The following FCSK variants were observed in gnomAD, a reference collection of about 807,000 sequenced individuals.
FCSK encodes the protein L-fucose kinase.
FCSK carries 123 observed loss-of-function variants against 122.5 expected under a neutral mutation model. The observed-to-expected ratio is 1.00, with a 90% confidence interval of 0.87 to 1.17. The LOEUF is 1.17. Ranked by LOEUF, FCSK falls within the 50% of genes most tolerant of loss-of-function variation. The probability of loss-of-function intolerance (pLI) is 0.00; values close to 1 mark genes in which losing one functional copy is unlikely to be tolerated. For missense variants in FCSK, 1,366 were observed against 1,450.4 expected (o/e 0.94, Z 0.95); for synonymous variants, 620 against 625.5 (o/e 0.99, Z 0.13).
intron 2 of FCSK, 95 bp from the exon 3 acceptor site, chr16:70,463,528 G>C: frequency 6.6e-7 from 1 of 1,506,688 alleles, no homozygotes; most frequent in Non-Finnish European, 9.1e-7. Context: ...CTAAGTCAAG[G>C]AAGATCAAAC....
intron 1 of FCSK, among the ~76,000 whole-genome samples, chr16:70,456,072 T>G (rs1487068522): frequency 6.6e-6 from 1 of 152,088 alleles, no homozygotes; most frequent in African/African-American, 2.4e-5. Context: ...CTTGGGAGGC[T>G]GGGATGGGAG....
rs2048787931 is a variant in FCSK, at chr16:70,475,725, C to T, written c.2599C>T (p.Leu867=). The T allele has an allele frequency of 1.2e-6, 2 of 1,603,212 alleles. No individual in the cohort carries two copies. The highest frequency in any genetic ancestry group is 2.2e-5 in the South Asian group (2 of 89,972). ...AAGRVVGTEA[L]IHAVLHLEQV... ...AGGCCGGGTGGTGGGCACGGAAGCC[C>T]TGATCCACGCAGTGCTGCACCTGGA... The change falls in exon 20 of 24, where the codon CTG becomes TTG. Residue 867 remains leucine (L), a synonymous_variant. Coordinates refer to ENST00000288078, the MANE Select transcript of FCSK (RefSeq NM_145059.3).
chr16:70,458,078 A>T (rs1284733392), intron 1 of FCSK: 1 of 110,336 alleles, frequency 9.1e-6, no homozygotes, highest in Non-Finnish European at 1.5e-5. Context: ...TTGTCAAGAT[A>T]AAAAAAAAAA....
Position 70,479,240 on chromosome 16 carries a change from C to G in FCSK, c.2990C>G (p.Ala997Gly), listed in dbSNP as rs2048920891. The change falls in exon 23 of 24, where the codon GCT becomes GGT. Residue 997 changes from alanine to glycine, a missense_variant. Coordinates refer to ENST00000288078, the MANE Select transcript of FCSK (RefSeq NM_145059.3). ...TACTGGGAGCAGAAGAAGCTCATGG[C>G]TCCAGGCTGTGAGCCCCTGACTGTG... ...TSYWEQKKLM[A>G]PGCEPLTVRR... The G allele has an allele frequency of 6.2e-7, 1 of 1,613,818 alleles. No individual in the cohort carries two copies. Among genetic ancestry groups the G allele is most frequent in the African/African-American group, 1.3e-5 (1 of 74,958 alleles).
chr16:70,468,263 T>TA (rs1004170793), intron 8 of FCSK, among the ~76,000 whole-genome samples: 1 of 152,104 alleles, frequency 6.6e-6, no homozygotes, highest in Non-Finnish European at 1.5e-5. Flanking sequence ...CTCTACTAAA[T>TA]ACAACAATTA....
At chr16:70,466,672 G>A in intron 5 of FCSK, 2 of 580,906 alleles carry the variant, frequency 3.4e-6, no homozygotes. Flanking sequence ...ACTCCAGCCT[G>A]GGTGACAGTG....
At chr16:70,471,565 C>T (rs1003733287) in intron 13 of FCSK, among the ~76,000 whole-genome samples, 8 of 152,310 alleles carry the variant, frequency 5.3e-5, no homozygotes, top group African/African-American at 1.7e-4. Context: ...TTACCTCCCT[C>T]CTTGCATCTG....
chr16:70,460,265 C>G (rs1020787001), intron 1 of FCSK, among the ~76,000 whole-genome samples: 1 of 151,840 alleles, frequency 6.6e-6, no homozygotes, highest in African/African-American at 2.4e-5. Flanking sequence ...GCACCCGCCA[C>G]CACGCCCAGC....
chr16:70,466,890 G>T lies in FCSK; in HGVS notation c.420G>T (p.Pro140=). 1 of 1,613,508 alleles carries T rather than the reference G, an allele frequency of 6.2e-7. No homozygotes were observed. Among genetic ancestry groups the T allele is most frequent in the East Asian group, 2.2e-5 (1 of 44,874 alleles). ...LLDIMTYRLG[P]GSPPGVWVCS... ...TCTCCTTCCCCCCACAGCTGGGCCC[G>T]GGCTCCCCGCCAGGCGTGTGGGTCT... Residue 140 remains proline (P), a synonymous_variant, in exon 6 of 24, where the codon CCG becomes CCT. Coordinates refer to ENST00000288078, the MANE Select transcript of FCSK (RefSeq NM_145059.3).
chr16:70,474,227 A>G lies in FCSK; in HGVS notation c.1876A>G (p.Ser626Gly), dbSNP rs778880729. The change falls in exon 16 of 24, where the codon AGC (serine) becomes GGC (glycine). Residue 626 changes from serine (S) to glycine (G), a missense_variant. Transcript: ENST00000288078. ...GGCAGAGGGCCGTGGGGGCTTGCGG[A>G]GCGGGCCAGCTGCCAACCCTGAGTG... ...CMAEGRGGLRSGPAANPEWMR... is the reference protein window; with the variant it reads ...CMAEGRGGLRGGPAANPEWMR... The G allele has an allele frequency of 1.9e-6, 3 of 1,600,152 alleles. No individual in the cohort carries two copies. The highest frequency in any genetic ancestry group is 2.6e-6 in the Non-Finnish European group (3 of 1,174,634).
In FCSK at chr16:70,479,668, C is replaced by G. The variant is rs372649965; in HGVS notation, c.3243C>G (p.Cys1081Trp). 1.9e-6 allele frequency: 3 copies of G among 1,613,784 alleles called. No individual in the cohort carries two copies. The South Asian group carries it at 3.3e-5, about 18-fold the overall frequency. Residue 1081 changes from cysteine to tryptophan, a missense_variant, in exon 24 of 24, where the codon TGC becomes TGG. Cys to Trp is a radical substitution (Grantham distance 215). Transcript: ENST00000288078. The stretch of plus-strand genomic sequence containing the variant: ...TGGGGACCGAGGCCTCAACCTGTTG[C>G]CCTTTCCCATGAAGCTGGCTTCTCT... ...KLLGTEASTCCPFP is the reference protein window; with the variant it reads ...KLLGTEASTCWPFP
chr16:70,476,492 A>G (rs2048822815), intron 20 of FCSK, among the ~76,000 whole-genome samples: 1 of 151,878 alleles, frequency 6.6e-6, no homozygotes, highest in African/African-American at 2.4e-5. Context: ...TGGGACAGCA[A>G]GAGCCCAACA....
In FCSK at chr16:70,468,064, C is replaced by T. The variant is rs966029239; in HGVS notation, c.663+98C>T. 120 of 877,742 alleles carry T rather than the reference C, an allele frequency of 1.4e-4. 1 individual carries two copies. The highest frequency in any genetic ancestry group is 2.3e-5 in the Non-Finnish European group (12 of 532,576). The allele number at this position is 877,742 out of a possible 1,614,324, so 54.4% of individuals were successfully genotyped here. A position where few individuals can be genotyped will look rare whatever the true frequency, so the allele number is the denominator to read the frequency against. ...CGATTCCTTCTAGAAGCCTCCAGGA[C>T]AAGCTAGAGCTAGAATCTGAGGACA... is the stretch of plus-strand genomic sequence containing the variant. On this transcript the variant is annotated intron_variant, in intron 8 of 23. Coordinates refer to ENST00000288078, the MANE Select transcript of FCSK (RefSeq NM_145059.3).
chr16:70,471,187 CA>C lies in FCSK; in HGVS notation c.1177del (p.Ile393PhefsTer3). 6.2e-7 allele frequency: 1 copy of C among 1,602,664 alleles called. No homozygotes were observed. Among genetic ancestry groups the C allele is most frequent in the Non-Finnish European group, 8.5e-7 (1 of 1,173,182 alleles). On this transcript the variant is annotated frameshift_variant, in exon 13 of 24. Coordinates refer to ENST00000288078, the MANE Select transcript of FCSK (RefSeq NM_145059.3). LOFTEE classifies it high-confidence loss of function. ...VLQHCHLQGP[I>X]HIGAGCLVTG... ...CCTGCCCTGTCCCCCACCAGGGCCCCATTCACATAGGCGCTGGCTGCTTGGT... is the reference window on the plus strand; with the variant it reads ...CCTGCCCTGTCCCCCACCAGGGCCCCTTCACATAGGCGCTGGCTGCTTGGT...
rs1198024312 is a variant in FCSK at position 70,474,220 on chromosome 16, C to A, written c.1869C>A (p.Gly623=). 1 of 1,596,328 alleles carries A rather than the reference C, an allele frequency of 6.3e-7. No individual in the cohort carries two copies. The highest frequency in any genetic ancestry group is 1.8e-5 in the Admixed American group (1 of 57,028). Reference sequence around the variant, plus strand: ...GCTGCATGGCAGAGGGCCGTGGGGGCTTGCGGAGCGGGCCAGCTGCCAACC... The same window carrying A: ...GCTGCATGGCAGAGGGCCGTGGGGGATTGCGGAGCGGGCCAGCTGCCAACC... ...VLGCMAEGRG[G]LRSGPAANPE... is the part of the protein sequence containing the mutation. The change falls in exon 16 of 24, where the codon GGC becomes GGA. Residue 623 remains glycine (G), a synonymous_variant. Coordinates refer to ENST00000288078, the MANE Select transcript of FCSK (RefSeq NM_145059.3).
chr16:70,466,975 G>A lies in FCSK; in HGVS notation c.484+21G>A, dbSNP rs183873641. 4.5e-5 allele frequency: 73 copies of A among 1,609,320 alleles called. No homozygotes were observed. In the African/African-American group the frequency reaches 8.0e-4, roughly 18 times the overall value. On this transcript the variant is annotated intron_variant, in intron 6 of 23. Coordinates refer to ENST00000288078, the MANE Select transcript of FCSK (RefSeq NM_145059.3). ...TCCTGGTGAGCCTGAGACTACCTGG[G>A]ACTGCCTTCCTTCGTCACAGCCACA...
chr16:70,454,649 GTCGCCGCAGCGCCCCT>G lies in FCSK; in HGVS notation c.-23+21_-23+36del, dbSNP rs1567687618. 1 of 151,828 alleles carries G rather than the reference GTCGCCGCAGCGCCCCT, an allele frequency of 6.6e-6. No homozygotes were observed. Among genetic ancestry groups the G allele is most frequent in the African/African-American group, 2.4e-5 (1 of 41,116 alleles). The allele number at this position is 151,828 out of a possible 1,614,324, so 9.4% of individuals were successfully genotyped here. A position where few individuals can be genotyped will look rare whatever the true frequency, so the allele number is the denominator to read the frequency against. On this transcript the variant is annotated intron_variant, in intron 1 of 23. Transcript: ENST00000288078. ...ACGGCAGGTACGTCAGTCCGCGAGG[GTCGCCGCAGCGCCCCT>G]TGCGCCCCTTGCGCCCCTTGCGCCC...
chr16:70,469,444 G>C, intron 10 of FCSK, 121 bp downstream of exon 10: 2 of 923,064 alleles, frequency 2.2e-6, no homozygotes, highest in Non-Finnish European at 1.6e-6. Flanking sequence ...CAGTTCTCCT[G>C]TCCTGTGCCA....
Position 70,471,169 on chromosome 16 carries a change from T to G in FCSK, c.1171-13T>G. 1.3e-6 allele frequency: 2 copies of G among 1,599,112 alleles called. No individual in the cohort carries two copies. The highest frequency in any genetic ancestry group is 1.7e-6 in the Non-Finnish European group (2 of 1,171,156). On this transcript the variant is annotated splice_polypyrimidine_tract_variant and intron_variant, in intron 12 of 23. Coordinates refer to ENST00000288078, the MANE Select transcript of FCSK (RefSeq NM_145059.3). ...GCCTGCCCACCCAGGATGCCTGCCC[T>G]GTCCCCCACCAGGGCCCCATTCACA...
Sources: allele counts gnomAD v4.1 joint callset (sites outside exome capture counted in the v4.1 genomes callset), GRCh38; gene constraint gnomAD v4.1.1; transcripts MANE v1.5; gene names NCBI Gene and HGNC (gene_info 2026-07-23, HGNC 2026-07-21).